The following SDK1 variants were observed in gnomAD, a reference collection of about 807,000 sequenced individuals.
SDK1 encodes the protein protein sidekick-1.
In SDK1, 157 loss-of-function variants were observed where a neutral mutation model predicts 245.5. The ratio of observed to expected loss-of-function variants is 0.64; its 90% CI spans 0.56 to 0.73. The LOEUF (loss-of-function observed/expected upper bound fraction) is 0.73. Ranked by LOEUF, SDK1 falls within the 30% of genes least tolerant of loss-of-function variation. SDK1 has a pLI of 0.00. For missense variants in SDK1, 3,583 were observed against 3,002.3 expected (o/e 1.19, Z -4.52); for synonymous variants, 1,647 against 1,278.5 (o/e 1.29, Z -6.15).
At chr7:4,226,370 A>G (rs1785446559) in intron 40 of SDK1, among the ~76,000 whole-genome samples, 2 of 152,182 alleles carry the variant, frequency 1.3e-5, no homozygotes, top group Non-Finnish European at 2.9e-5. Context: ...GGGAGACAAG[A>G]CACTCATCAG....
chr7:3,973,029 A>G (rs1278570759), intron 12 of SDK1, among the ~76,000 whole-genome samples: 2 of 152,194 alleles, frequency 1.3e-5, no homozygotes, highest in East Asian at 1.9e-4. Context: ...CTGACAGCTC[A>G]GAAAGAACCC....
At chr7:4,112,943 G>A (rs1485226470) in intron 23 of SDK1, among the ~76,000 whole-genome samples, 1 of 151,896 alleles carries the variant, frequency 6.6e-6, no homozygotes, top group African/African-American at 2.4e-5. Context: ...TAGTAGAGAC[G>A]AGATTTCGCC....
At chr7:3,947,687 T>C (rs1219375728) in intron 5 of SDK1, among the ~76,000 whole-genome samples, 1 of 151,366 alleles carries the variant, frequency 6.6e-6, no homozygotes, top group Non-Finnish European at 1.5e-5. Flanking sequence ...TTTTAAAATA[T>C]ACACATATAT....
chr7:3,524,049 C>T (rs1334414918), intron 1 of SDK1, among the ~76,000 whole-genome samples: 2 of 152,120 alleles, frequency 1.3e-5, no homozygotes, highest in African/African-American at 4.8e-5. Context: ...GCTTCATTGA[C>T]AACATTGGTT....
chr7:4,104,989 A>ATTCT (rs1235880197), intron 22 of SDK1, among the ~76,000 whole-genome samples: 4 of 151,424 alleles, frequency 2.6e-5, no homozygotes, highest in African/African-American at 4.9e-5. Flanking sequence ...TTATTTATTT[A>ATTCT]TTTATTCTTT....
chr7:4,077,335 T>G, intron 21 of SDK1, 146 bp downstream of exon 21: 1 of 756,392 alleles, frequency 1.3e-6, no homozygotes, highest in Non-Finnish European at 2.2e-6. Context: ...GGAGGGTAAA[T>G]GGGTGTTGAC....
At chr7:3,468,910 T>C (rs2128597721) in intron 1 of SDK1, among the ~76,000 whole-genome samples, 1 of 152,200 alleles carries the variant, frequency 6.6e-6, no homozygotes, top group Admixed American at 6.5e-5. Context: ...CTTCAGAGGG[T>C]GAAGGGGGTA....
At chr7:3,477,294 C>A (rs567272319) in intron 1 of SDK1, among the ~76,000 whole-genome samples, 5 of 136,174 alleles carry the variant, frequency 3.7e-5, no homozygotes, top group African/African-American at 1.4e-4. Flanking sequence ...CTCCTGGCTT[C>A]AAGCCATTCT....
intron 4 of SDK1, among the ~76,000 whole-genome samples, chr7:3,810,398 C>G (rs13239150): frequency 0.11 from 17,143 of 151,766 alleles, 1,575 homozygotes; most frequent in African/African-American, 0.25. Context: ...ATGTTTCTGC[C>G]TAAACCTGGG....
intron 26 of SDK1, 38 bp downstream of exon 26, chr7:4,127,534 G>T (rs778090401): frequency 1.4e-6 from 2 of 1,473,978 alleles, no homozygotes; most frequent in African/African-American, 2.8e-5. Context: ...TGCTTAAAGA[G>T]TGGGCTGGGG....
chr7:3,470,811 C>T (rs957939479), intron 1 of SDK1, among the ~76,000 whole-genome samples: 5 of 152,130 alleles, frequency 3.3e-5, no homozygotes, highest in Non-Finnish European at 7.4e-5. Flanking sequence ...CCATTTTGAG[C>T]TGCTTAGAAG....
At chr7:3,786,725 G>A (rs1262155243) in intron 4 of SDK1, among the ~76,000 whole-genome samples, 4 of 152,068 alleles carry the variant, frequency 2.6e-5, no homozygotes, top group African/African-American at 7.2e-5. Context: ...TTGTGTTAGG[G>A]CTAGAGGGAG....
At chr7:4,076,032 A>G (rs967482913) in intron 20 of SDK1, among the ~76,000 whole-genome samples, 3 of 152,174 alleles carry the variant, frequency 2.0e-5, no homozygotes, top group Admixed American at 1.3e-4. Flanking sequence ...ACTGGCCTGA[A>G]GAGAGTATAG....
intron 1 of SDK1, among the ~76,000 whole-genome samples, chr7:3,593,790 T>C (rs1360444889): frequency 2.0e-5 from 3 of 152,182 alleles, no homozygotes; most frequent in Non-Finnish European, 4.4e-5. Context: ...CGTAAGCTCT[T>C]GAGACAGGTT....
At chr7:3,738,376 G>C (rs776772024) in intron 4 of SDK1, among the ~76,000 whole-genome samples, 1 of 152,056 alleles carries the variant, frequency 6.6e-6, no homozygotes, top group Non-Finnish European at 1.5e-5. Flanking sequence ...GTTTATTTCT[G>C]GGCTTTCTAA....
intron 1 of SDK1, among the ~76,000 whole-genome samples, chr7:3,557,613 A>G (rs1257300304): frequency 6.6e-6 from 1 of 152,252 alleles, no homozygotes; most frequent in Non-Finnish European, 1.5e-5. Flanking sequence ...TAATTGGATT[A>G]TATCCATGTC....
At chr7:4,215,844 C>G (rs1167033789) in intron 38 of SDK1, among the ~76,000 whole-genome samples, 1 of 152,154 alleles carries the variant, frequency 6.6e-6, no homozygotes, top group Non-Finnish European at 1.5e-5. Context: ...ACTCATCCCC[C>G]CTGCCCTGCT....
intron 4 of SDK1, among the ~76,000 whole-genome samples, chr7:3,658,550 C>G (rs999443229): frequency 6.6e-6 from 1 of 150,948 alleles, no homozygotes. Context: ...TTCACAAAAG[C>G]ACCTAATTCA....
chr7:3,610,714 C>A (rs1202227), intron 1 of SDK1, among the ~76,000 whole-genome samples: 152,371 of 152,372 alleles, frequency 1, 76,185 homozygotes, highest in Non-Finnish European at 1. Context: ...GGTTTACCCC[C>A]AGAGTTCCCT....
Sources: allele counts gnomAD v4.1 joint callset (sites outside exome capture counted in the v4.1 genomes callset), GRCh38; gene constraint gnomAD v4.1.1; transcripts MANE v1.5; gene names NCBI Gene and HGNC (gene_info 2026-07-23, HGNC 2026-07-21).